Variants in DPYSL2 observed in about 807,000 individuals in gnomAD.
The protein encoded by DPYSL2 is dihydropyrimidinase-related protein 2.
In DPYSL2, 13 loss-of-function variants were observed where a neutral mutation model predicts 69.9. The observed-to-expected ratio is 0.19, with a 90% CI of 0.12 to 0.30. The LOEUF (loss-of-function observed/expected upper bound fraction) is 0.30. DPYSL2 is among the 10% of genes least tolerant of loss of function. The probability of loss-of-function intolerance (pLI) is 1.00; values close to 1 mark genes in which losing one functional copy is unlikely to be tolerated. For missense variants in DPYSL2, 587 were observed against 918.9 expected (o/e 0.64, Z 4.67); for synonymous variants, 326 against 359.1 (o/e 0.91, Z 1.04).
At chr8:26,518,714 G>A (rs554263394) in intron 1 of DPYSL2, among the ~76,000 whole-genome samples, 6 of 152,092 alleles carry the variant, frequency 3.9e-5, no homozygotes, top group African/African-American at 7.2e-5. Flanking sequence ...TGTTCTTTGC[G>A]ACTGGCTTAC....
intron 8 of DPYSL2, among the ~76,000 whole-genome samples, chr8:26,636,403 C>T (rs946898651): frequency 3.3e-5 from 5 of 152,278 alleles, no homozygotes; most frequent in Non-Finnish European, 5.9e-5. Context: ...AAGAATGAGA[C>T]GGCTTATTTT....
intron 3 of DPYSL2, among the ~76,000 whole-genome samples, chr8:26,594,536 T>C (rs1801814962): frequency 6.6e-6 from 1 of 152,228 alleles, no homozygotes; most frequent in South Asian, 2.1e-4. Context: ...TATATCTATC[T>C]TGATATGACA....
chr8:26,581,694 A>G (rs1801497219), intron 1 of DPYSL2, among the ~76,000 whole-genome samples: 1 of 151,690 alleles, frequency 6.6e-6, no homozygotes, highest in Admixed American at 6.6e-5. Flanking sequence ...TATATGAAAT[A>G]ATTTTCACTG....
In DPYSL2 at chr8:26,639,279, A is replaced by G. The variant is rs1433692360; in HGVS notation, c.1127-4160A>G. On this transcript the variant is annotated intron_variant, in intron 8 of 13. Coordinates refer to ENST00000521913, the MANE Select transcript of DPYSL2 (RefSeq NM_001197293.3). ...TAGAGAAAGGGGGAAGATTTATTTT[A>G]AAGAATTATATTTAAGGAATCAACT... Among the ~76,000 whole-genome samples the G allele has an allele frequency of 2.8e-4, 42 of 152,196 alleles. 1 individual carries two copies. Among genetic ancestry groups the G allele is most frequent in the Admixed American group, 2.8e-3 (42 of 15,272 alleles).
chr8:26,531,495 T>C lies in DPYSL2; in HGVS notation c.354+16816T>C, dbSNP rs536805792. On this transcript the variant is annotated intron_variant, in intron 1 of 13. Transcript: ENST00000521913. Reference sequence around the variant, plus strand: ...GGTGGATGAGATCAGTCAGGGAGAATGTGCGAGGTGGTAGAAAGAACATGG... The same window carrying C: ...GGTGGATGAGATCAGTCAGGGAGAACGTGCGAGGTGGTAGAAAGAACATGG... Among the ~76,000 whole-genome samples the C allele has an allele frequency of 1.1e-4, 16 of 152,112 alleles. 1 individual carries two copies. Among genetic ancestry groups the C allele is most frequent in the African/African-American group, 3.4e-4 (14 of 41,490 alleles).
Position 26,585,497 on chromosome 8 carries a change from G to A in DPYSL2, c.628+1514G>A, listed in dbSNP as rs774885172. The stretch of plus-strand genomic sequence containing the variant: ...AAAAGCCTCCAAGTGTAAGCCTTGC[G>A]ACTTGTGTCTTGCTGTACATGTTGC... On this transcript the variant is annotated intron_variant, in intron 3 of 13. Transcript: ENST00000521913. The surrounding 1 kb of genome is among the most constrained non-coding windows in gnomAD (Gnocchi z 4.0). Among the ~76,000 whole-genome samples, 4 of 151,976 alleles carry A rather than the reference G, an allele frequency of 2.6e-5. No individual in the cohort carries two copies. Among genetic ancestry groups the A allele is most frequent in the Non-Finnish European group, 4.4e-5 (3 of 67,994 alleles).
chr8:26,627,726 T>C lies in DPYSL2; in HGVS notation c.937-146T>C. The C allele has an allele frequency of 1.3e-6, 1 of 778,796 alleles. No individual in the cohort carries two copies. The highest frequency in any genetic ancestry group is 2.1e-6 in the Non-Finnish European group (1 of 472,836). 48.2% of individuals were successfully genotyped at this position (778,796 alleles called of 1,614,324 possible). On this transcript the variant is annotated intron_variant, in intron 6 of 13. Coordinates refer to ENST00000521913, the MANE Select transcript of DPYSL2 (RefSeq NM_001197293.3). This position sits in a 1 kb window ranked among gnomAD's most constrained non-coding sequence, Gnocchi z 6.9. ...CTGGGAACAGGGCAGTGAACCCTTC[T>C]CTTCATGAGGTCTTGGGATGAGGGC...
At position 26,605,434 on chromosome 8, in the gene DPYSL2, G is replaced by A. The variant is rs1802086712; in HGVS notation, c.629-18709G>A. Among the ~76,000 whole-genome samples the A allele has an allele frequency of 6.6e-6, 1 of 151,986 alleles. No homozygotes were observed. Among genetic ancestry groups the A allele is most frequent in the East Asian group, 1.9e-4 (1 of 5,162 alleles). On this transcript the variant is annotated intron_variant, in intron 3 of 13. Coordinates refer to ENST00000521913, the MANE Select transcript of DPYSL2 (RefSeq NM_001197293.3). The surrounding 1 kb of genome is among the most constrained non-coding windows in gnomAD (Gnocchi z 4.1). Reference sequence around the variant, plus strand: ...TCAAGTAGAGTAGCCAGGATTACATGCACCCACTACCACACCCAGCTAATT... The same window carrying A: ...TCAAGTAGAGTAGCCAGGATTACATACACCCACTACCACACCCAGCTAATT...
intron 3 of DPYSL2, among the ~76,000 whole-genome samples, chr8:26,623,151 T>C (rs1165000673): frequency 6.6e-6 from 1 of 152,058 alleles, no homozygotes; most frequent in Non-Finnish European, 1.5e-5. Flanking sequence ...AAAGTCCCTG[T>C]GGTGGGAGGC....
chr8:26,636,277 C>T (rs774660137), intron 8 of DPYSL2, among the ~76,000 whole-genome samples: 8 of 152,226 alleles, frequency 5.3e-5, no homozygotes, highest in Admixed American at 1.3e-4. Context: ...CACCCAGACA[C>T]GCATTTGCAA....
chr8:26,599,172 G>C (rs372771396), intron 3 of DPYSL2, among the ~76,000 whole-genome samples: 1 of 152,148 alleles, frequency 6.6e-6, no homozygotes, highest in Non-Finnish European at 1.5e-5. Flanking sequence ...TCCACTCTGC[G>C]GTATTTCCTG....
At position 26,616,302 on chromosome 8, in the gene DPYSL2, C is replaced by A. The variant is rs187305988; in HGVS notation, c.629-7841C>A. The stretch of plus-strand genomic sequence containing the variant: ...ACGTTATCCTAACTGCCAAGCACAA[C>A]CCACAAAGGCTCTTATCTCTCCTTC... On this transcript the variant is annotated intron_variant, in intron 3 of 13. Coordinates refer to ENST00000521913, the MANE Select transcript of DPYSL2 (RefSeq NM_001197293.3). Among the ~76,000 whole-genome samples the A allele has an allele frequency of 1.2e-3, 178 of 152,240 alleles. 1 individual carries two copies. Among genetic ancestry groups the A allele is most frequent in the African/African-American group, 4.1e-3 (170 of 41,530 alleles).
intron 1 of DPYSL2, among the ~76,000 whole-genome samples, chr8:26,526,349 T>C (rs1585489121): frequency 6.6e-6 from 1 of 152,314 alleles, no homozygotes; most frequent in South Asian, 2.1e-4. Flanking sequence ...CACCTTGGCC[T>C]CCCAAAGTGC....
rs1185109655 is a variant in DPYSL2 at position 26,626,514 on chromosome 8, C to G, written c.794-103C>G. The G allele has an allele frequency of 1.1e-6, 1 of 923,122 alleles. No homozygotes were observed. Among genetic ancestry groups the G allele is most frequent in the African/African-American group, 1.6e-5 (1 of 61,492 alleles). 57.2% of individuals were successfully genotyped at this position (923,122 alleles called of 1,614,324 possible). A position where few individuals can be genotyped will look rare whatever the true frequency, so the allele number is the denominator to read the frequency against. Reference sequence around the variant, plus strand: ...ACACACACACACACACACACACACACACACACACGTACACACACAGACAGT... The same window carrying G: ...ACACACACACACACACACACACACAGACACACACGTACACACACAGACAGT... On this transcript the variant is annotated intron_variant, in intron 4 of 13. Coordinates refer to ENST00000521913, the MANE Select transcript of DPYSL2 (RefSeq NM_001197293.3). This position sits in a 1 kb window ranked among gnomAD's most constrained non-coding sequence, Gnocchi z 4.3.
chr8:26,606,426 A>G (rs1390729226), intron 3 of DPYSL2, among the ~76,000 whole-genome samples: 2 of 152,120 alleles, frequency 1.3e-5, no homozygotes, highest in Non-Finnish European at 2.9e-5. Context: ...GCTTGACTAC[A>G]TAGTAATTAA....
Position 26,582,173 on chromosome 8 carries a change from T to A in DPYSL2, c.443+116T>A. 1 of 766,842 alleles carries A rather than the reference T, an allele frequency of 1.3e-6. No individual in the cohort carries two copies. Among genetic ancestry groups the A allele is most frequent in the Non-Finnish European group, 2.1e-6 (1 of 471,814 alleles). 47.5% of individuals were successfully genotyped at this position (766,842 alleles called of 1,614,324 possible). ...CAGGAACATCAGAGAGTGACCAACT[T>A]AGTATCTGTTTTAAACTGGTTTTGA... On this transcript the variant is annotated intron_variant, in intron 2 of 13. Transcript: ENST00000521913. The surrounding 1 kb of genome is among the most constrained non-coding windows in gnomAD (Gnocchi z 4.1).
At chr8:26,633,793 C>T (rs527828894) in intron 7 of DPYSL2, among the ~76,000 whole-genome samples, 25 of 152,312 alleles carry the variant, frequency 1.6e-4, no homozygotes, top group African/African-American at 4.6e-4. Flanking sequence ...CGATTTAAAG[C>T]GCCAGATTAT....
Position 26,653,425 on chromosome 8 carries a change from G to C in DPYSL2, c.1942+28G>C, listed in dbSNP as rs751611292. The C allele has an allele frequency of 5.6e-6, 9 of 1,593,386 alleles. No homozygotes were observed. The highest frequency in any genetic ancestry group is 7.7e-6 in the Non-Finnish European group (9 of 1,168,692). ...AGGGTTGGGGCTTGGGGAGGGCACA[G>C]TTCTGCAGGGCCAGCTCGCTGGTGC... On this transcript the variant is annotated intron_variant, in intron 13 of 13. Coordinates refer to ENST00000521913, the MANE Select transcript of DPYSL2 (RefSeq NM_001197293.3). This position sits in a 1 kb window ranked among gnomAD's most constrained non-coding sequence, Gnocchi z 5.7.
chr8:26,641,104 A>G lies in DPYSL2; in HGVS notation c.1127-2335A>G, dbSNP rs1310762321. 6.6e-6 allele frequency among the ~76,000 whole-genome samples: 1 copy of G among 152,168 alleles called. No homozygotes were observed. The highest frequency in any genetic ancestry group is 1.5e-5 in the Non-Finnish European group (1 of 68,022). ...ATGGTATTCAGGCCACTTTCCAAGA[A>G]CCAGCCCCTCCTTGTACTTAAGTTT... On this transcript the variant is annotated intron_variant, in intron 8 of 13. Transcript: ENST00000521913. The surrounding 1 kb of genome is among the most constrained non-coding windows in gnomAD (Gnocchi z 4.1).
Sources: allele counts gnomAD v4.1 joint callset (sites outside exome capture counted in the v4.1 genomes callset), GRCh38; gene constraint gnomAD v4.1.1; non-coding constraint Gnocchi (gnomAD v3.1); transcripts MANE v1.5; gene names NCBI Gene and HGNC (gene_info 2026-07-23, HGNC 2026-07-21).